UCHL1: variants seen among roughly 807,000 people sequenced by gnomAD.
UCHL1 encodes ubiquitin carboxyl-terminal hydrolase isozyme L1.
In UCHL1, 5 loss-of-function variants were observed where a neutral mutation model predicts 33.3. That is an observed-to-expected ratio of 0.15 (90% CI 0.08 to 0.32). The LOEUF (loss-of-function observed/expected upper bound fraction) is 0.32. Ranked by LOEUF, UCHL1 falls within the 10% of genes least tolerant of loss-of-function variation. The pLI, the probability that UCHL1 is intolerant of heterozygous loss-of-function variation, is 1.00. For missense variants in UCHL1, 236 were observed against 280.0 expected, an observed-to-expected ratio of 0.84 and a Z score of 1.12; for synonymous variants, 132 against 108.8, an observed-to-expected ratio of 1.21 and a Z score of -1.33.
chr4:41,257,072 T>A (rs1780986629), intron 1 of UCHL1, 43 bp from the exon 2 acceptor site: 1 of 1,614,006 alleles, frequency 6.2e-7, no homozygotes, highest in Non-Finnish European at 8.5e-7. Context: ...GCCGAGTCGC[T>A]GATCGGTTCG....
chr4:41,261,889 C>T lies in UCHL1; in HGVS notation c.425C>T (p.Ala142Val), dbSNP rs900235906. ...CFEKNEAIQA[A>V]HDAVAQEGQC... ...TTTTTTCCGCAGGCCATACAGGCAGCCCATGATGCCGTGGCACAGGAAGGC... is the reference window on the plus strand; with the variant it reads ...TTTTTTCCGCAGGCCATACAGGCAGTCCATGATGCCGTGGCACAGGAAGGC... Residue 142 changes from alanine (A) to valine (V), a missense_variant, in exon 6 of 9, where the codon GCC becomes GTC. Transcript: ENST00000284440. The T allele has an allele frequency of 3.7e-6, 6 of 1,614,114 alleles. No homozygotes were observed. The Admixed American group carries it at 5.0e-5, about 13-fold the overall frequency.
At chr4:41,267,371 A>G (rs1330560582) in intron 8 of UCHL1, among the ~76,000 whole-genome samples, 1 of 152,070 alleles carries the variant, frequency 6.6e-6, no homozygotes, top group Admixed American at 6.6e-5. Flanking sequence ...AGCCTCTCAG[A>G]GTAGCTGTGA....
chr4:41,265,062 A>G (rs1020473191), intron 8 of UCHL1, among the ~76,000 whole-genome samples: 1 of 152,186 alleles, frequency 6.6e-6, no homozygotes, highest in African/African-American at 2.4e-5. Context: ...GACACTCTCT[A>G]AATGAATGTA....
chr4:41,262,865 C>T (rs540474062), intron 6 of UCHL1, among the ~76,000 whole-genome samples: 1 of 152,142 alleles, frequency 6.6e-6, no homozygotes, highest in Non-Finnish European at 1.5e-5. Flanking sequence ...GCCTCAGCCT[C>T]CCAAAGTGCT....
chr4:41,256,961 C>G lies in UCHL1; in HGVS notation c.-16C>G, dbSNP rs9321. ...TTCGTCTTCCCTAGGCTATTTCTGCCGGGCGCTCCGCGAAGATGCAGCTCA... is the reference window on the plus strand; with the variant it reads ...TTCGTCTTCCCTAGGCTATTTCTGCGGGGCGCTCCGCGAAGATGCAGCTCA... On this transcript the variant is annotated 5_prime_UTR_variant, in exon 1 of 9. Transcript: ENST00000284440. The G allele has an allele frequency of 1.5e-5, 24 of 1,613,898 alleles. No homozygotes were observed. The highest frequency in any genetic ancestry group is 2.0e-5 in the Non-Finnish European group (24 of 1,179,994).
intron 2 of UCHL1, 160 bp downstream of exon 2, chr4:41,257,286 A>T: frequency 8.3e-7 from 1 of 1,211,594 alleles, no homozygotes; most frequent in Admixed American, 2.7e-5. Context: ...GGGCCCCTGC[A>T]TTTAGCGGGT....
At chr4:41,263,907 G>A (rs549269234) in intron 7 of UCHL1, among the ~76,000 whole-genome samples, 196 bp from the exon 8 acceptor site, 1 of 152,332 alleles carries the variant, frequency 6.6e-6, no homozygotes, top group Admixed American at 6.5e-5. Context: ...CTTGTCAATT[G>A]TAGACTAGAA....
At chr4:41,257,465 G>A in intron 2 of UCHL1, 144 bp from the exon 3 acceptor site, 2 of 1,159,926 alleles carry the variant, frequency 1.7e-6, no homozygotes, top group South Asian at 2.1e-5. Context: ...CGCCGGCCCG[G>A]GTGGGGGTGG....
chr4:41,258,158 A>G (rs543707004), intron 3 of UCHL1, among the ~76,000 whole-genome samples: 56 of 152,310 alleles, frequency 3.7e-4, no homozygotes, highest in African/African-American at 1.3e-3. Context: ...TGGAGGGGGA[A>G]GGGCTGACCT....
In UCHL1 at chr4:41,260,641, T is replaced by C. The variant is rs1781055678; in HGVS notation, c.175-6T>C. On this transcript the variant is annotated splice_region_variant and splice_polypyrimidine_tract_variant and intron_variant, in intron 3 of 8. Coordinates refer to ENST00000284440, the MANE Select transcript of UCHL1 (RefSeq NM_004181.5). Reference sequence around the variant, plus strand: ...TGAGATGTAAAAACGCTTTTTACATTCGCAGCATGAGAACTTCAGGAAAAA... The same window carrying C: ...TGAGATGTAAAAACGCTTTTTACATCCGCAGCATGAGAACTTCAGGAAAAA... 1 of 1,614,208 alleles carries C rather than the reference T, an allele frequency of 6.2e-7. No homozygotes were observed. The highest frequency in any genetic ancestry group is 8.5e-7 in the Non-Finnish European group (1 of 1,180,030).
Position 41,261,751 on chromosome 4 carries a change from CAG to C in UCHL1, c.366_367del (p.Lys123AsnfsTer4), listed in dbSNP as rs1310363710. 6.2e-7 allele frequency: 1 copy of C among 1,613,326 alleles called. No individual in the cohort carries two copies. Among genetic ancestry groups the C allele is most frequent in the Non-Finnish European group, 8.5e-7 (1 of 1,179,974 alleles). ...GTTCTGAAACAGTTTCTTTCTGAAA[CAG>C]AGAAAATGTCCCCTGAAGACAGAGC... On this transcript the variant is annotated frameshift_variant, in exon 5 of 9. Coordinates refer to ENST00000284440, the MANE Select transcript of UCHL1 (RefSeq NM_004181.5). LOFTEE classifies it high-confidence loss of function.
chr4:41,257,522 G>A, intron 2 of UCHL1, 87 bp from the exon 3 acceptor site: 1 of 1,369,318 alleles, frequency 7.3e-7, no homozygotes, highest in Non-Finnish European at 9.3e-7. Context: ...GGGCGCGGAG[G>A]GCGCGCGCCT....
intron 6 of UCHL1, 82 bp downstream of exon 6, chr4:41,262,005 G>T: frequency 6.4e-7 from 1 of 1,563,510 alleles, no homozygotes. Context: ...TCTCTTACTG[G>T]AACACAGCAA....
rs3214812 is a variant in UCHL1 at position 41,261,701 on chromosome 4, AT to A, written c.326-4del. On this transcript the variant is annotated splice_polypyrimidine_tract_variant and intron_variant, in intron 4 of 8. Transcript: ENST00000284440. ...TTATTTTACCTATACTAACACATCC[AT>A]TTTTTTTTTAAGAGGATGGATCAGT... The A allele has an allele frequency of 2.0e-3, 3,012 of 1,474,562 alleles. 3 individuals carry two copies. The highest frequency in any genetic ancestry group is 2.4e-3 in the Non-Finnish European group (2,540 of 1,075,210). 91.3% of individuals were successfully genotyped at this position (1,474,562 alleles called of 1,614,324 possible). A position where few individuals can be genotyped will look rare whatever the true frequency, so the allele number is the denominator to read the frequency against.
rs546848535 is a variant in UCHL1, at chr4:41,261,623, C to T, written c.326-92C>T. On this transcript the variant is annotated intron_variant, in intron 4 of 8. Coordinates refer to ENST00000284440, the MANE Select transcript of UCHL1 (RefSeq NM_004181.5). Reference sequence around the variant, plus strand: ...GAGGCAGTATTAAAGATTCAGGTTGCTCAGCATGTTCAGCAAAGGCTTAAG... The same window carrying T: ...GAGGCAGTATTAAAGATTCAGGTTGTTCAGCATGTTCAGCAAAGGCTTAAG... The T allele has an allele frequency of 2.4e-5, 33 of 1,383,300 alleles. No individual in the cohort carries two copies. The South Asian group carries it at 3.5e-4, about 15-fold the overall frequency. 85.7% of individuals were successfully genotyped at this position (1,383,300 alleles called of 1,614,324 possible).
chr4:41,267,844 T>G, intron 8 of UCHL1, 143 bp from the exon 9 acceptor site: 2 of 772,732 alleles, frequency 2.6e-6, no homozygotes, highest in Non-Finnish European at 2.2e-6. Flanking sequence ...TTTTTTGCTT[T>G]AAGCCCTGGT....
chr4:41,256,942 T>TA lies in UCHL1; in HGVS notation c.-35_-34insA. ...GCGGCTCCGCTAGCTGTTTTTCGTC[T>TA]TCCCTAGGCTATTTCTGCCGGGCGC... On this transcript the variant is annotated 5_prime_UTR_variant, in exon 1 of 9. Transcript: ENST00000284440. The TA allele has an allele frequency of 1.9e-6, 3 of 1,614,082 alleles. No homozygotes were observed. The highest frequency in any genetic ancestry group is 2.5e-6 in the Non-Finnish European group (3 of 1,179,988).
chr4:41,263,426 C>G, intron 7 of UCHL1, 135 bp downstream of exon 7: 1 of 894,276 alleles, frequency 1.1e-6, no homozygotes, highest in Non-Finnish European at 1.8e-6. Context: ...AAAGTATTCT[C>G]ATGAGGGCAC....
At chr4:41,257,771 G>A (rs372823328) in intron 3 of UCHL1, 34 bp downstream of exon 3, 3 of 1,545,540 alleles carry the variant, frequency 1.9e-6, no homozygotes, top group Admixed American at 1.9e-5. Context: ...GCCGGCCGCC[G>A]GCAGTGCACG....
Sources: allele counts gnomAD v4.1 joint callset (sites outside exome capture counted in the v4.1 genomes callset), GRCh38; gene constraint gnomAD v4.1.1; transcripts MANE v1.5; gene names NCBI Gene and HGNC (gene_info 2026-07-23, HGNC 2026-07-21).